The following PCDHGB4 variants were observed in gnomAD, a reference collection of about 807,000 sequenced individuals.
The protein encoded by PCDHGB4 is protocadherin gamma-B4.
A neutral mutation model predicts 60.5 loss-of-function variants in PCDHGB4; 38 were observed. That is an observed-to-expected ratio of 0.63 (90% CI 0.48 to 0.82). The LOEUF (loss-of-function observed/expected upper bound fraction) is 0.82, where lower values mean the gene tolerates loss of function less well. Ranked by LOEUF, PCDHGB4 falls within the 40% of genes least tolerant of loss-of-function variation. The pLI is 0.00. For synonymous variants in PCDHGB4, 456 were observed against 509.7 expected, an observed-to-expected ratio of 0.89 and a Z score of 1.42; for missense variants, 1,109 against 1,209.6, an observed-to-expected ratio of 0.92 and a Z score of 1.23.
intron 1 of PCDHGB4, among the ~76,000 whole-genome samples, chr5:141,492,437 C>T (rs182333697): frequency 8.5e-5 from 13 of 152,332 alleles, no homozygotes; most frequent in Admixed American, 8.5e-4. Flanking sequence ...CAGGAGTACT[C>T]GTAGCTGATT....
In PCDHGB4 at chr5:141,491,803, C is replaced by T. The variant is rs2099730932; in HGVS notation, c.2398-3004C>T. ...CTTGCATCCACTCCTCTCCGGCCGG[C>T]TTGGTCGCTGGCTGCGCTCCACCCG... On this transcript the variant is annotated intron_variant, in intron 1 of 3. Transcript: ENST00000519479. This position sits in a 1 kb window ranked among gnomAD's most constrained non-coding sequence, Gnocchi z 6.9. 1 of 1,497,820 alleles carries T rather than the reference C, an allele frequency of 6.7e-7. No individual in the cohort carries two copies. Among genetic ancestry groups the T allele is most frequent in the Non-Finnish European group, 8.9e-7 (1 of 1,124,124 alleles). 92.8% of individuals were successfully genotyped at this position (1,497,820 alleles called of 1,614,324 possible).
chr5:141,403,791 A>C (rs1265792011), intron 1 of PCDHGB4: 4 of 1,613,782 alleles, frequency 2.5e-6, no homozygotes, highest in Non-Finnish European at 3.4e-6. Flanking sequence ...GTGGCATACA[A>C]ATTCTGGAAA....
intron 1 of PCDHGB4, chr5:141,423,157 G>T: frequency 1.9e-6 from 3 of 1,610,820 alleles, no homozygotes; most frequent in East Asian, 2.2e-5. Context: ...GCAGAGCCTC[G>T]TGGTGGCCGT....
At position 141,388,966 on chromosome 5, in the gene PCDHGB4, G is replaced by A; in HGVS notation, c.1082G>A (p.Gly361Glu). 1.2e-6 allele frequency: 2 copies of A among 1,614,014 alleles called. No individual in the cohort carries two copies. The highest frequency in any genetic ancestry group is 1.7e-6 in the Non-Finnish European group (2 of 1,179,898). The change falls in exon 1 of 4, where the codon GGA (glycine) becomes GAA (glutamate). Residue 361 changes from glycine (G) to glutamate (E), a missense_variant. By Grantham distance (98) the Gly-to-Glu change is moderately conservative (BLOSUM62 -2). Transcript: ENST00000519479. ...CTAATTATGGAGGACGCCGAGCTGG[G>A]AACACATATTGCTTTGCTCAAAGTC... Reference protein sequence around the residue: ...PNLIMEDAELGTHIALLKVRD... With the variant: ...PNLIMEDAELETHIALLKVRD...
chr5:141,443,118 C>A (rs1474257262), intron 1 of PCDHGB4, among the ~76,000 whole-genome samples: 1 of 151,762 alleles, frequency 6.6e-6, no homozygotes, highest in Non-Finnish European at 1.5e-5. Flanking sequence ...GCTTTTCAAA[C>A]CAGATTAAGA....
intron 1 of PCDHGB4, among the ~76,000 whole-genome samples, chr5:141,475,556 T>A (rs1420756007): frequency 6.6e-6 from 1 of 152,248 alleles, no homozygotes; most frequent in Non-Finnish European, 1.5e-5. Context: ...CGGCTAATTG[T>A]CTGTCTTCCA....
chr5:141,399,143 A>G (rs750976328), intron 1 of PCDHGB4: 12 of 1,613,780 alleles, frequency 7.4e-6, no homozygotes, highest in Admixed American at 3.3e-5. Context: ...GAAAATGACA[A>G]TAGCCCAGAA....
intron 1 of PCDHGB4, among the ~76,000 whole-genome samples, chr5:141,467,051 T>G (rs988417775): frequency 6.6e-6 from 1 of 151,462 alleles, no homozygotes; most frequent in Non-Finnish European, 1.5e-5. Context: ...TGAATCAATG[T>G]TTTCTTTTTT....
At chr5:141,421,964 C>A (rs772274014) in intron 1 of PCDHGB4, 3 of 1,611,350 alleles carry the variant, frequency 1.9e-6, no homozygotes, top group Non-Finnish European at 2.5e-6. Flanking sequence ...TTTACACAGT[C>A]CGTATATCGC....
chr5:141,487,884 A>G lies in PCDHGB4; in HGVS notation c.2398-6923A>G. 1.3e-6 allele frequency: 1 copy of G among 766,716 alleles called. No homozygotes were observed. Among genetic ancestry groups the G allele is most frequent in the Non-Finnish European group, 2.1e-6 (1 of 481,170 alleles). 47.5% of individuals were successfully genotyped at this position (766,716 alleles called of 1,614,324 possible). On this transcript the variant is annotated intron_variant, in intron 1 of 3. Transcript: ENST00000519479. The surrounding 1 kb of genome is among the most constrained non-coding windows in gnomAD (Gnocchi z 5.0). ...GTGATCAAGAGCCAGGCTGTTGTGG[A>G]AGCATGATGATGGAATGTGGGAGCA...
rs750109717 is a variant in PCDHGB4, at chr5:141,490,546, A to C, written c.2398-4261A>C. 1.9e-6 allele frequency: 3 copies of C among 1,614,110 alleles called. No individual in the cohort carries two copies. Among genetic ancestry groups the C allele is most frequent in the Non-Finnish European group, 2.5e-6 (3 of 1,180,036 alleles). On this transcript the variant is annotated intron_variant, in intron 1 of 3. Transcript: ENST00000519479. The surrounding 1 kb of genome is among the most constrained non-coding windows in gnomAD (Gnocchi z 5.4). ...CGATGCTGGTTCACCTTCCCTACAC[A>C]AACATCTCACCATCAGGCTCAACAT...
chr5:141,404,917 G>A (rs750464541), intron 1 of PCDHGB4: 37 of 1,613,652 alleles, frequency 2.3e-5, no homozygotes, highest in Middle Eastern at 3.3e-4. Flanking sequence ...CCCCTCTCTC[G>A]GCCACTGTCA....
intron 1 of PCDHGB4, chr5:141,424,187 A>C (rs2096804354): frequency 5.3e-6 from 1 of 188,948 alleles, no homozygotes; most frequent in African/African-American, 2.4e-5. Context: ...ACATGCACAC[A>C]CACTTATACA....
At chr5:141,394,577 G>A (rs757579320) in intron 1 of PCDHGB4, 5 of 1,613,986 alleles carry the variant, frequency 3.1e-6, no homozygotes, top group South Asian at 1.1e-5. Context: ...GCTACCTGGT[G>A]ACCAAGGTGG....
intron 3 of PCDHGB4, among the ~76,000 whole-genome samples, chr5:141,509,636 C>T (rs1199892148): frequency 6.6e-6 from 1 of 152,164 alleles, no homozygotes; most frequent in Non-Finnish European, 1.5e-5. Context: ...TGATGCTGAG[C>T]CAGGGCCAGA....
intron 1 of PCDHGB4, chr5:141,414,324 T>G (rs2095735584): frequency 6.2e-7 from 1 of 1,613,758 alleles, no homozygotes; most frequent in South Asian, 1.1e-5. Context: ...CTGAGCAGAA[T>G]GGACAGGTAA....
At chr5:141,419,792 G>T (rs1379811891) in intron 1 of PCDHGB4, 15 of 1,613,924 alleles carry the variant, frequency 9.3e-6, no homozygotes, top group African/African-American at 2.7e-5. Flanking sequence ...CCTGCTAGTC[G>T]CTGTAAGAGA....
chr5:141,410,079 T>A, intron 1 of PCDHGB4: 1 of 1,612,494 alleles, frequency 6.2e-7, no homozygotes, highest in Non-Finnish European at 8.5e-7. Context: ...ACTGGGGAGG[T>A]GCGCACGGCT....
At position 141,389,298 on chromosome 5, in the gene PCDHGB4, G is replaced by C. The variant is rs1440320819; in HGVS notation, c.1414G>C (p.Val472Leu). ...NNPPGASISQ[V>L]RASDPDLGPN... ...CCCGCCTGGAGCCTCTATTTCACAA[G>C]TCAGGGCTTCTGATCCGGACTTGGG... Residue 472 changes from valine (V) to leucine (L), a missense_variant, in exon 1 of 4, where the codon GTC (valine) becomes CTC (leucine). Around this residue, in one of 2 missense-constraint regions of PCDHGB4, gnomAD observed 1,068 missense variants for 1,089.9 expected, o/e 0.98. Transcript: ENST00000519479. The C allele has an allele frequency of 6.2e-7, 1 of 1,614,030 alleles. No homozygotes were observed. Among genetic ancestry groups the C allele is most frequent in the Non-Finnish European group, 8.5e-7 (1 of 1,179,904 alleles).
Sources: gnomAD v4.1 joint callset for allele counts (sites outside exome capture counted in the v4.1 genomes callset) on GRCh38, gnomAD v4.1.1 for gene constraint, gnomAD v4.1.1 regional missense constraint, Gnocchi (gnomAD v3.1) non-coding constraint, MANE v1.5 for transcripts, NCBI Gene and HGNC (gene_info 2026-07-23, HGNC 2026-07-21) for gene names.